FGF12: variants seen among roughly 807,000 people sequenced by gnomAD.
FGF12 encodes the protein fibroblast growth factor 12B.
Under a neutral mutation model 23.6 loss-of-function variants are expected in FGF12, and 14 were observed. The observed-to-expected ratio is 0.59, with a 90% CI of 0.39 to 0.93. The LOEUF is 0.93. Ranked by LOEUF, FGF12 falls within the 40% of genes least tolerant of loss-of-function variation. The pLI is 0.00. For synonymous variants in FGF12, 62 were observed against 77.3 expected, an observed-to-expected ratio of 0.80 and a Z score of 1.04; for missense variants, 175 against 217.8, an observed-to-expected ratio of 0.80 and a Z score of 1.24.
intron 2 of FGF12, among the ~76,000 whole-genome samples, chr3:192,449,629 G>T (rs1722463054): frequency 6.6e-6 from 1 of 152,146 alleles, no homozygotes; most frequent in Non-Finnish European, 1.5e-5. Flanking sequence ...AGCATCTGGT[G>T]ACCAACAGTG....
chr3:192,443,064 T>C (rs1480041923), intron 2 of FGF12, among the ~76,000 whole-genome samples: 1 of 152,088 alleles, frequency 6.6e-6, no homozygotes, highest in Non-Finnish European at 1.5e-5. Flanking sequence ...TGCCTCAACC[T>C]CCTAAAGTGC....
intron 2 of FGF12, among the ~76,000 whole-genome samples, chr3:192,627,009 C>A (rs926978010): frequency 2.0e-5 from 3 of 152,086 alleles, no homozygotes; most frequent in Admixed American, 6.5e-5. Context: ...TACTACTAAC[C>A]AAATACAACT....
intron 2 of FGF12, among the ~76,000 whole-genome samples, chr3:192,671,063 G>T (rs1717096086): frequency 6.6e-6 from 1 of 152,186 alleles, no homozygotes; most frequent in Non-Finnish European, 1.5e-5. Context: ...TTGGAAACTG[G>T]AATATCGTAA....
intron 2 of FGF12, among the ~76,000 whole-genome samples, chr3:192,534,483 C>T (rs1318049095): frequency 6.6e-6 from 1 of 152,116 alleles, no homozygotes; most frequent in African/African-American, 2.4e-5. Context: ...GCAACCTCCG[C>T]CTCCTGGGTT....
At chr3:192,153,950 A>C in intron 5 of FGF12, among the ~76,000 whole-genome samples, 1 of 42,188 alleles carries the variant, frequency 2.4e-5, no homozygotes, top group East Asian at 6.0e-4. Context: ...TTTCAGGTAC[A>C]CCAATCAGAC....
chr3:192,329,833 C>A (rs748780477), intron 4 of FGF12, among the ~76,000 whole-genome samples: 2 of 152,152 alleles, frequency 1.3e-5, no homozygotes, highest in Non-Finnish European at 2.9e-5. Flanking sequence ...GTAGAAAAAT[C>A]TGTTTCAACA....
intron 4 of FGF12, among the ~76,000 whole-genome samples, chr3:192,257,454 A>G (rs927915553): frequency 6.6e-6 from 1 of 152,160 alleles, no homozygotes; most frequent in Non-Finnish European, 1.5e-5. Context: ...AATCGTGCAC[A>G]TCCCTGACTT....
At chr3:192,192,216 A>T (rs1204210778) in intron 4 of FGF12, among the ~76,000 whole-genome samples, 1 of 152,230 alleles carries the variant, frequency 6.6e-6, no homozygotes, top group East Asian at 1.9e-4. Context: ...TACTAGCTTC[A>T]TACTTTTCTT....
intron 2 of FGF12, among the ~76,000 whole-genome samples, chr3:192,551,603 T>C (rs1183868200): frequency 6.6e-6 from 1 of 152,180 alleles, no homozygotes; most frequent in Non-Finnish European, 1.5e-5. Context: ...GGAATGACCA[T>C]GCCTAGGAGG....
In FGF12 at chr3:192,409,762, G is replaced by A. The variant is rs1174002593; in HGVS notation, c.14-49224C>T. ...TAGGCCTCCTGGGGCTACCTCGCGAGGCAGCCGAGGGCGCAACCCGGGCGC... is the reference window on the plus strand; with the variant it reads ...TAGGCCTCCTGGGGCTACCTCGCGAAGCAGCCGAGGGCGCAACCCGGGCGC... On this transcript the variant is annotated intron_variant, in intron 2 of 5. Coordinates refer to ENST00000445105, the MANE Select transcript of FGF12 (RefSeq NM_004113.6). This position sits in a 1 kb window ranked among gnomAD's most constrained non-coding sequence, Gnocchi z 4.8. 1.3e-5 allele frequency among the ~76,000 whole-genome samples: 2 copies of A among 152,118 alleles called. No individual in the cohort carries two copies. The highest frequency in any genetic ancestry group is 2.9e-5 in the Non-Finnish European group (2 of 67,986).
intron 2 of FGF12, among the ~76,000 whole-genome samples, chr3:192,522,069 G>A (rs1206963150): frequency 1.3e-5 from 2 of 152,014 alleles, no homozygotes; most frequent in African/African-American, 2.4e-5. Flanking sequence ...GCGGTGGCGG[G>A]CGCCTGTAGT....
At chr3:192,405,834 T>C (rs1304603910) in intron 2 of FGF12, among the ~76,000 whole-genome samples, 1 of 152,212 alleles carries the variant, frequency 6.6e-6, no homozygotes, top group African/African-American at 2.4e-5. Flanking sequence ...TTAGTGAAGA[T>C]AATAGCACAC....
In FGF12 at chr3:192,263,899, A is replaced by C. The variant is rs376663642; in HGVS notation, c.228+71462T>G. 3.8e-4 allele frequency among the ~76,000 whole-genome samples: 58 copies of C among 152,206 alleles called. No individual in the cohort carries two copies. The South Asian group carries it at 4.8e-3, about 13-fold the overall frequency. ...TAAATGCAGTCCAACAAAATATCTTATTCTTATTCTTCTTTGACTCAAAAT... is the reference window on the plus strand; with the variant it reads ...TAAATGCAGTCCAACAAAATATCTTCTTCTTATTCTTCTTTGACTCAAAAT... On this transcript the variant is annotated intron_variant, in intron 4 of 5. Coordinates refer to ENST00000445105, the MANE Select transcript of FGF12 (RefSeq NM_004113.6).
At chr3:192,472,867 C>G (rs1723212604) in intron 2 of FGF12, among the ~76,000 whole-genome samples, 1 of 152,166 alleles carries the variant, frequency 6.6e-6, no homozygotes, top group Non-Finnish European at 1.5e-5. Context: ...ATTCTCTTTA[C>G]TTGGTATTGA....
chr3:192,235,601 C>T (rs976259307), intron 4 of FGF12, among the ~76,000 whole-genome samples: 3 of 152,214 alleles, frequency 2.0e-5, no homozygotes, highest in African/African-American at 7.2e-5. Flanking sequence ...GGATTACAGG[C>T]GTGAGCCACT....
At chr3:192,227,766 G>A (rs1718816564) in intron 4 of FGF12, among the ~76,000 whole-genome samples, 1 of 151,976 alleles carries the variant, frequency 6.6e-6, no homozygotes, top group African/African-American at 2.4e-5. Flanking sequence ...ACTTCTTATT[G>A]AACTCTATGA....
intron 4 of FGF12, among the ~76,000 whole-genome samples, chr3:192,309,325 A>C (rs1246147213): frequency 6.6e-6 from 1 of 152,194 alleles, no homozygotes; most frequent in Non-Finnish European, 1.5e-5. Flanking sequence ...TGGTTTCCTA[A>C]GTGGCTACAG....
At chr3:192,686,097 C>A (rs1316022390) in intron 2 of FGF12, among the ~76,000 whole-genome samples, 1 of 152,050 alleles carries the variant, frequency 6.6e-6, no homozygotes, top group Non-Finnish European at 1.5e-5. Flanking sequence ...GTGCTGATTT[C>A]GTATTCATAT....
At chr3:192,663,545 C>T (rs1441337019) in intron 2 of FGF12, among the ~76,000 whole-genome samples, 2 of 152,164 alleles carry the variant, frequency 1.3e-5, no homozygotes, top group Non-Finnish European at 2.9e-5. Flanking sequence ...ATCCCATTTA[C>T]CCTTCCATGT....
Sources: gnomAD v4.1 joint callset for allele counts (sites outside exome capture counted in the v4.1 genomes callset) on GRCh38, gnomAD v4.1.1 for gene constraint, Gnocchi (gnomAD v3.1) non-coding constraint, MANE v1.5 for transcripts, NCBI Gene and HGNC (gene_info 2026-07-23, HGNC 2026-07-21) for gene names.